Variants in INPP4B observed in about 807,000 individuals in gnomAD.
INPP4B encodes the protein inositol polyphosphate-4-phosphatase type II B.
INPP4B carries 55 observed loss-of-function variants against 122.5 expected under a neutral mutation model. The observed-to-expected ratio is 0.45, with a 90% confidence interval of 0.36 to 0.56. The LOEUF is 0.56. Among genes scored for constraint, INPP4B ranks in the 20% least tolerant of loss-of-function variants. The probability of loss-of-function intolerance (pLI) is 0.00; values close to 1 mark genes in which losing one functional copy is unlikely to be tolerated. For synonymous variants in INPP4B, 403 were observed against 388.7 expected (o/e 1.04, Z -0.43); for missense variants, 1,000 against 1,097.7 (o/e 0.91, Z 1.26).
chr4:142,327,494 C>G (rs889697040), intron 7 of INPP4B, among the ~76,000 whole-genome samples: 1 of 151,686 alleles, frequency 6.6e-6, no homozygotes, highest in Non-Finnish European at 1.5e-5. Flanking sequence ...CAAGGTAGCT[C>G]TCCAACGAAG....
At chr4:142,305,425 T>G in intron 9 of INPP4B, 33 bp downstream of exon 9, 1 of 1,504,820 alleles carries the variant, frequency 6.6e-7, no homozygotes, top group South Asian at 1.2e-5. Flanking sequence ...TGTTATTAAC[T>G]TTAACAGTAT....
intron 11 of INPP4B, among the ~76,000 whole-genome samples, chr4:142,253,295 T>C (rs183123846): frequency 1.3e-5 from 2 of 152,270 alleles, no homozygotes; most frequent in Non-Finnish European, 2.9e-5. Context: ...AGTGTATGCA[T>C]AGGCTACAAC....
intron 14 of INPP4B, among the ~76,000 whole-genome samples, chr4:142,203,382 C>T (rs894865394): frequency 2.0e-5 from 3 of 151,934 alleles, no homozygotes; most frequent in Non-Finnish European, 2.9e-5. Flanking sequence ...TAATACTTTT[C>T]TATTGTATAT....
chr4:142,777,523 T>A (rs747921866), intron 1 of INPP4B, among the ~76,000 whole-genome samples: 2 of 152,112 alleles, frequency 1.3e-5, no homozygotes, highest in Admixed American at 6.6e-5. Context: ...AACACCTTGA[T>A]TGCAGCCTAC....
intron 2 of INPP4B, among the ~76,000 whole-genome samples, chr4:142,553,651 T>C (rs1405916109): frequency 6.6e-6 from 1 of 152,222 alleles, no homozygotes; most frequent in African/African-American, 2.4e-5. Flanking sequence ...CATGAGCTAC[T>C]GTACTCCACA....
chr4:142,323,420 G>T (rs1022974429), intron 7 of INPP4B, among the ~76,000 whole-genome samples: 3 of 149,192 alleles, frequency 2.0e-5, no homozygotes, highest in Admixed American at 1.3e-4. Context: ...TAGAAATGAG[G>T]TTCATTATTA....
At chr4:142,845,754 G>GGCA (rs1784111471) in intron 1 of INPP4B, among the ~76,000 whole-genome samples, 1 of 151,830 alleles carries the variant, frequency 6.6e-6, no homozygotes, top group South Asian at 2.1e-4. Context: ...CGGCGGCGGC[G>GGCA]GCAGCTTGCG....
chr4:142,194,039 C>T (rs2130687), intron 14 of INPP4B, among the ~76,000 whole-genome samples: 7,585 of 152,186 alleles, frequency 0.05, 407 homozygotes, highest in East Asian at 0.2. Flanking sequence ...TTGCTATTGA[C>T]ACTTTGGTTG....
At chr4:142,060,304 C>T (rs942568114) in intron 25 of INPP4B, among the ~76,000 whole-genome samples, 5 of 152,098 alleles carry the variant, frequency 3.3e-5, no homozygotes, top group African/African-American at 1.2e-4. Context: ...ATTTAGGCCA[C>T]CATTCTTACT....
chr4:142,159,582 CA>C (rs1819003933), intron 17 of INPP4B, among the ~76,000 whole-genome samples: 1 of 151,856 alleles, frequency 6.6e-6, no homozygotes, highest in African/African-American at 2.4e-5. Flanking sequence ...ATACAGCTAG[CA>C]CACTATTTTT....
chr4:142,266,886 T>A (rs764620091), intron 10 of INPP4B, among the ~76,000 whole-genome samples: 9 of 151,866 alleles, frequency 5.9e-5, no homozygotes, highest in Non-Finnish European at 1.2e-4. Flanking sequence ...GGATACACAA[T>A]CAACTCACAA....
intron 1 of INPP4B, among the ~76,000 whole-genome samples, chr4:142,814,476 C>T (rs1779883698): frequency 6.6e-6 from 1 of 152,100 alleles, no homozygotes; most frequent in African/African-American, 2.4e-5. Context: ...ATACCACTAT[C>T]TAGTTCAGTT....
chr4:142,579,133 C>T (rs1734468726), intron 2 of INPP4B, among the ~76,000 whole-genome samples: 1 of 151,946 alleles, frequency 6.6e-6, no homozygotes, highest in South Asian at 2.1e-4. Context: ...TCTCTACTTT[C>T]ATACAGCCAA....
At chr4:142,405,073 T>TAACCC in intron 6 of INPP4B, 133 bp downstream of exon 6, 1 of 614,224 alleles carries the variant, frequency 1.6e-6, no homozygotes, top group Admixed American at 2.5e-5. Flanking sequence ...GACTATGAAC[T>TAACCC]AACTTATTTC....
rs757948844 is a variant in INPP4B, at chr4:142,190,739, TGTGTGTGC to T, written c.1181+2340_1181+2347del. On this transcript the variant is annotated intron_variant, in intron 15 of 25. Transcript: ENST00000262992. ...AAGAGTGTGTGTGTGTGTGTGTGTG[TGTGTGTGC>T]GCGTGTGTGTTGATATGTAACATCC... Among the ~76,000 whole-genome samples, 245 of 145,582 alleles carry T rather than the reference TGTGTGTGC, an allele frequency of 1.7e-3. 1 individual carries two copies. Among genetic ancestry groups the T allele is most frequent in the African/African-American group, 5.0e-3 (193 of 38,738 alleles).
In INPP4B at chr4:142,209,326, T is replaced by C. The variant is rs143040599; in HGVS notation, c.837-300A>G. On this transcript the variant is annotated intron_variant, in intron 12 of 25. Coordinates refer to ENST00000262992, the MANE Select transcript of INPP4B (RefSeq NM_001101669.3). The stretch of plus-strand genomic sequence containing the variant: ...TATTCTTATATACATAGGGAAGACA[T>C]TTAGTTAAAAAGCAAATTGTAAAAC... Among the ~76,000 whole-genome samples, 65 of 152,242 alleles carry C rather than the reference T, an allele frequency of 4.3e-4. 1 individual carries two copies. In the East Asian group the frequency reaches 9.8e-3, roughly 23 times the overall value.
chr4:142,364,794 C>T (rs1786795785), intron 7 of INPP4B, among the ~76,000 whole-genome samples: 2 of 152,022 alleles, frequency 1.3e-5, no homozygotes, highest in Admixed American at 6.6e-5. Flanking sequence ...CCAACAAACT[C>T]ATGTGTGCTC....
chr4:142,645,348 T>G (rs868511459), intron 2 of INPP4B, among the ~76,000 whole-genome samples: 1 of 152,096 alleles, frequency 6.6e-6, no homozygotes, highest in East Asian at 1.9e-4. Context: ...CAGAAAAAAA[T>G]TGAGCAGAAA....
chr4:142,750,296 T>C (rs1769475759), intron 1 of INPP4B, among the ~76,000 whole-genome samples: 1 of 152,070 alleles, frequency 6.6e-6, no homozygotes, highest in Non-Finnish European at 1.5e-5. Flanking sequence ...GCAGATGAAC[T>C]AATGATATAG....
Sources: gnomAD v4.1 joint callset for allele counts (sites outside exome capture counted in the v4.1 genomes callset) on GRCh38, gnomAD v4.1.1 for gene constraint, MANE v1.5 for transcripts, NCBI Gene and HGNC (gene_info 2026-07-23, HGNC 2026-07-21) for gene names.